ANKRD30A: variants seen among roughly 807,000 people sequenced by gnomAD.
ANKRD30A encodes ankyrin repeat domain 30A.
In ANKRD30A, 170 loss-of-function variants were observed where a neutral mutation model predicts 166.3. The ratio of observed to expected loss-of-function variants is 1.02; its 90% CI spans 0.90 to 1.16. The LOEUF is 1.16. Among genes scored for constraint, ANKRD30A ranks in the 50% most tolerant of loss-of-function variants. The pLI is 0.00. For missense variants in ANKRD30A, 1,630 were observed against 1,518.0 expected (o/e 1.07, Z -1.23); for synonymous variants, 564 against 508.9 (o/e 1.11, Z -1.46).
intron 31 of ANKRD30A, among the ~76,000 whole-genome samples, chr10:37,203,408 A>C (rs1841782194): frequency 6.6e-6 from 1 of 152,362 alleles, no homozygotes; most frequent in South Asian, 2.1e-4. Flanking sequence ...CAATAGATGC[A>C]GAAAAGGCCT....
rs906930034 is a variant in ANKRD30A at position 37,227,589 on chromosome 10, G to A, written c.4186-3872G>A. Among the ~76,000 whole-genome samples, 2 of 151,966 alleles carry A rather than the reference G, an allele frequency of 1.3e-5. 1 individual carries two copies. The highest frequency in any genetic ancestry group is 2.9e-5 in the Non-Finnish European group (2 of 67,944). ...TATTATCATACATGATAAAAGTTCA[G>A]TATAGAGAAACATCTTTACTTTTTG... On this transcript the variant is annotated intron_variant, in intron 34 of 35. Coordinates refer to ENST00000361713, the MANE Select transcript of ANKRD30A (RefSeq NM_052997.3).
chr10:37,201,175 G>T, intron 30 of ANKRD30A, 60 bp from the exon 31 acceptor site: 1 of 1,317,192 alleles, frequency 7.6e-7, no homozygotes. Context: ...AGGAAATTTT[G>T]ATAATCTTCA....
At chr10:37,248,046 G>T in the ANKRD30A span, 1 of 375,000 alleles carries the variant, frequency 2.7e-6, no homozygotes, top group Non-Finnish European at 5.2e-6. Flanking sequence ...AAAAAATCAT[G>T]TGGTAGAAGG....
chr10:37,190,614 G>A (rs1489539735), intron 25 of ANKRD30A, among the ~76,000 whole-genome samples: 1 of 151,738 alleles, frequency 6.6e-6, no homozygotes, highest in African/African-American at 2.4e-5. Context: ...GGAAGCAGGG[G>A]ACAAGAGAGA....
chr10:37,238,775 A>G, the ANKRD30A span, among the ~76,000 whole-genome samples: 1 of 152,168 alleles, frequency 6.6e-6, no homozygotes, highest in East Asian at 1.9e-4. Flanking sequence ...GTATATTTTC[A>G]TAGTGTTTAT....
At chr10:37,222,430 A>G (rs182112081) in intron 34 of ANKRD30A, among the ~76,000 whole-genome samples, 192 of 151,406 alleles carry the variant, frequency 1.3e-3, no homozygotes, top group African/African-American at 4.4e-3. Context: ...TTTGTAGTAC[A>G]TATCAGTACT....
At chr10:37,153,716 A>T in intron 13 of ANKRD30A, 54 bp downstream of exon 13, 1 of 1,601,488 alleles carries the variant, frequency 6.2e-7, no homozygotes, top group Non-Finnish European at 8.5e-7. Context: ...CTCTAAACTG[A>T]TGAGGAGGGA....
chr10:37,194,356 G>GTTTT (rs1318418446), intron 27 of ANKRD30A, among the ~76,000 whole-genome samples: 1 of 150,950 alleles, frequency 6.6e-6, no homozygotes, highest in African/African-American at 2.4e-5. Flanking sequence ...TTTTTGTTTT[G>GTTTT]TTTTGTTTTT....
At chr10:37,193,531 C>G (rs1334681754) in intron 27 of ANKRD30A, among the ~76,000 whole-genome samples, 1 of 151,894 alleles carries the variant, frequency 6.6e-6, no homozygotes, top group East Asian at 1.9e-4. Flanking sequence ...TCTGTACGCG[C>G]TTGGTTTTAA....
chr10:37,194,379 T>C (rs1335238644), intron 27 of ANKRD30A, among the ~76,000 whole-genome samples: 1 of 151,732 alleles, frequency 6.6e-6, no homozygotes, highest in African/African-American at 2.4e-5. Flanking sequence ...TTTTTTGAGC[T>C]CGACCAGGCT....
At chr10:37,130,791 G>T (rs1369992562) in intron 3 of ANKRD30A, among the ~76,000 whole-genome samples, 1 of 152,090 alleles carries the variant, frequency 6.6e-6, no homozygotes, top group Non-Finnish European at 1.5e-5. Context: ...TGACTGTTTG[G>T]TATGCTAAGA....
chr10:37,145,825 A>G (rs1206113754), intron 8 of ANKRD30A, among the ~76,000 whole-genome samples: 2 of 144,680 alleles, frequency 1.4e-5, no homozygotes, highest in Non-Finnish European at 3.1e-5. Flanking sequence ...GAAATTATTG[A>G]CGTATCTGTA....
chr10:37,215,950 T>A (rs1316386691), intron 31 of ANKRD30A, among the ~76,000 whole-genome samples: 1 of 151,424 alleles, frequency 6.6e-6, no homozygotes, highest in East Asian at 1.9e-4. Flanking sequence ...AGTATCTATC[T>A]GAATTTATAA....
downstream of ANKRD30A, among the ~76,000 whole-genome samples, chr10:37,236,232 C>T (rs1463485211): frequency 1.3e-5 from 2 of 152,074 alleles, no homozygotes; most frequent in South Asian, 2.1e-4. Flanking sequence ...TATTTCTTTC[C>T]CTGAGTTCAG....
intron 5 of ANKRD30A, among the ~76,000 whole-genome samples, 197 bp downstream of exon 5, chr10:37,134,250 T>C (rs1836543758): frequency 6.6e-6 from 1 of 152,182 alleles, no homozygotes. Flanking sequence ...GTCTACTTGA[T>C]TTTTCTAATT....
intron 13 of ANKRD30A, among the ~76,000 whole-genome samples, chr10:37,155,751 T>G (rs543851018): frequency 6.6e-6 from 1 of 152,286 alleles, no homozygotes; most frequent in East Asian, 1.9e-4. Context: ...AGCAACTGTT[T>G]AGTTTTTGTT....
chr10:37,140,710 A>C (rs557887373), intron 6 of ANKRD30A, among the ~76,000 whole-genome samples: 35 of 152,362 alleles, frequency 2.3e-4, no homozygotes, highest in African/African-American at 8.4e-4. Context: ...TCTAGGCTCA[A>C]CAAATTATAA....
the ANKRD30A span, among the ~76,000 whole-genome samples, chr10:37,244,101 G>T: frequency 6.6e-6 from 1 of 152,134 alleles, no homozygotes; most frequent in Non-Finnish European, 1.5e-5. Flanking sequence ...TTTCCAACCT[G>T]CTTATTGCAG....
the ANKRD30A span, chr10:37,248,277 A>T: frequency 1.8e-6 from 1 of 545,942 alleles, no homozygotes; most frequent in Admixed American, 2.0e-5. Context: ...CACCTCAAAA[A>T]GGCCCTGCCT....
Sources: allele counts gnomAD v4.1 joint callset (sites outside exome capture counted in the v4.1 genomes callset), GRCh38; gene constraint gnomAD v4.1.1; transcripts MANE v1.5; gene names NCBI Gene and HGNC (gene_info 2026-07-23, HGNC 2026-07-21).